The following NDUFAF2 variants were observed in gnomAD, a reference collection of about 807,000 sequenced individuals.
NDUFAF2 encodes the protein NADH:ubiquinone oxidoreductase complex assembly factor 2.
Under a neutral mutation model 22.8 loss-of-function variants are expected in NDUFAF2, and 13 were observed. The observed-to-expected ratio is 0.57, with a 90% confidence interval of 0.37 to 0.91. The LOEUF (loss-of-function observed/expected upper bound fraction) is 0.91, where lower values mean the gene tolerates loss of function less well. NDUFAF2 is among the 40% of genes least tolerant of loss of function. The pLI is 0.01. For synonymous variants in NDUFAF2, 53 were observed against 64.2 expected (o/e 0.83, Z 0.84); for missense variants, 162 against 195.2 (o/e 0.83, Z 1.01).
intron 1 of NDUFAF2, among the ~76,000 whole-genome samples, chr5:61,025,469 A>G (rs888832061): frequency 1.3e-5 from 2 of 152,104 alleles, no homozygotes; most frequent in African/African-American, 4.8e-5. Flanking sequence ...TAAACATATA[A>G]CATTTTTGCT....
intron 1 of NDUFAF2, among the ~76,000 whole-genome samples, chr5:60,965,129 A>C (rs557215737): frequency 1.3e-5 from 2 of 152,186 alleles, no homozygotes; most frequent in African/African-American, 4.8e-5. Context: ...TCTAGGAACC[A>C]CTAACATGAC....
intron 1 of NDUFAF2, among the ~76,000 whole-genome samples, chr5:60,998,720 T>G (rs1033115794): frequency 6.6e-6 from 1 of 152,056 alleles, no homozygotes; most frequent in Non-Finnish European, 1.5e-5. Flanking sequence ...TCCAACAGTA[T>G]TCCACAAAGT....
At chr5:61,073,951 G>A (rs1432524913) in intron 2 of NDUFAF2, among the ~76,000 whole-genome samples, 1 of 152,226 alleles carries the variant, frequency 6.6e-6, no homozygotes, top group African/African-American at 2.4e-5. Context: ...AGTTCACAAT[G>A]AGAAGTACAT....
intron 1 of NDUFAF2, among the ~76,000 whole-genome samples, chr5:61,067,128 A>C (rs1351793386): frequency 1.3e-5 from 2 of 152,038 alleles, no homozygotes; most frequent in African/African-American, 4.8e-5. Flanking sequence ...GAGATGATGT[A>C]TATTTTAATT....
intron 3 of NDUFAF2, among the ~76,000 whole-genome samples, chr5:61,103,245 T>TCTCTACCCTA (rs1432121213): frequency 1.6e-4 from 15 of 92,316 alleles, no homozygotes; most frequent in Non-Finnish European, 3.7e-4. Context: ...ACCCTACTCT[T>TCTCTACCCTA]CTGTACCCTA....
chr5:60,986,847 G>T lies in NDUFAF2; in HGVS notation c.127+41465G>T, dbSNP rs187202392. ...TTCAGGAGGCTGAGGCAGGAGAATCGCCTGATTCCAGGAGGTGGAGGTTGC... is the reference window on the plus strand; with the variant it reads ...TTCAGGAGGCTGAGGCAGGAGAATCTCCTGATTCCAGGAGGTGGAGGTTGC... On this transcript the variant is annotated intron_variant, in intron 1 of 3. Transcript: ENST00000296597. 7.2e-3 allele frequency among the ~76,000 whole-genome samples: 1,084 copies of T among 151,188 alleles called. 8 individuals carry two copies. Among genetic ancestry groups the T allele is most frequent in the South Asian group, 0.027 (127 of 4,784 alleles).
chr5:61,065,643 ATTCT>A (rs983217661), intron 1 of NDUFAF2, among the ~76,000 whole-genome samples: 31 of 152,254 alleles, frequency 2.0e-4, no homozygotes, highest in South Asian at 6.2e-4. Context: ...AAAGTGTGAT[ATTCT>A]TTCTTGTTAA....
chr5:61,136,040 TATCTAG>T (rs1278148936), intron 3 of NDUFAF2, among the ~76,000 whole-genome samples: 137 of 112,654 alleles, frequency 1.2e-3, no homozygotes, highest in Non-Finnish European at 2.2e-3. Context: ...TATATATATA[TATCTAG>T]GGTGGATTGC....
chr5:61,080,452 C>T (rs1380838760), intron 2 of NDUFAF2, among the ~76,000 whole-genome samples: 1 of 152,068 alleles, frequency 6.6e-6, no homozygotes, highest in Non-Finnish European at 1.5e-5. Context: ...TGTGGCTTTA[C>T]CATTTTGTAT....
intron 1 of NDUFAF2, among the ~76,000 whole-genome samples, chr5:61,065,843 A>C (rs1752220015): frequency 6.6e-6 from 1 of 152,098 alleles, no homozygotes; most frequent in African/African-American, 2.4e-5. Flanking sequence ...AGTACTAGCA[A>C]GATCAATCAG....
At chr5:60,955,800 T>C (rs1404518095) in intron 1 of NDUFAF2, among the ~76,000 whole-genome samples, 6 of 152,158 alleles carry the variant, frequency 3.9e-5, no homozygotes, top group African/African-American at 4.8e-5. Context: ...CTTCCTTAGT[T>C]TGTTGCTAAA....
At chr5:61,006,246 G>A (rs1184326756) in intron 1 of NDUFAF2, among the ~76,000 whole-genome samples, 4 of 152,060 alleles carry the variant, frequency 2.6e-5, no homozygotes, top group African/African-American at 7.2e-5. Flanking sequence ...AAGATCAGAT[G>A]GTTGTAGATG....
At chr5:61,021,918 C>G (rs1183207134) in intron 1 of NDUFAF2, among the ~76,000 whole-genome samples, 1 of 152,144 alleles carries the variant, frequency 6.6e-6, no homozygotes, top group Non-Finnish European at 1.5e-5. Context: ...GCAAGATAGG[C>G]TGGTGGGCAA....
chr5:60,996,581 G>A (rs1387642117), intron 1 of NDUFAF2, among the ~76,000 whole-genome samples: 1 of 152,110 alleles, frequency 6.6e-6, no homozygotes, highest in East Asian at 1.9e-4. Flanking sequence ...CACTGTCGCT[G>A]AGCCTAGTTC....
chr5:61,127,260 G>C (rs371584089), intron 3 of NDUFAF2, among the ~76,000 whole-genome samples: 2 of 152,222 alleles, frequency 1.3e-5, no homozygotes, highest in Admixed American at 6.5e-5. Context: ...AATAGAAAAA[G>C]AAGGAATCCT....
At chr5:61,150,359 C>A (rs141074927) in intron 3 of NDUFAF2, among the ~76,000 whole-genome samples, 1 of 152,160 alleles carries the variant, frequency 6.6e-6, no homozygotes, top group Non-Finnish European at 1.5e-5. Context: ...AAAGGAAATT[C>A]TTTTTTAGGA....
At chr5:61,149,333 A>G (rs1200692420) in intron 3 of NDUFAF2, among the ~76,000 whole-genome samples, 1 of 152,170 alleles carries the variant, frequency 6.6e-6, no homozygotes, top group Non-Finnish European at 1.5e-5. Context: ...AGGAAACATA[A>G]TACTGTTATG....
At chr5:61,065,689 G>A (rs1580119384) in intron 1 of NDUFAF2, among the ~76,000 whole-genome samples, 2 of 152,196 alleles carry the variant, frequency 1.3e-5, no homozygotes, top group Admixed American at 1.3e-4. Context: ...TAGAAGGGAA[G>A]TTTCTCAGTG....
At chr5:61,086,459 T>C (rs1428573767) in intron 2 of NDUFAF2, among the ~76,000 whole-genome samples, 5 of 152,168 alleles carry the variant, frequency 3.3e-5, no homozygotes, top group Non-Finnish European at 7.4e-5. Context: ...ATTATACAAT[T>C]AATGGAACCA....
Sources: gnomAD v4.1 joint callset for allele counts (sites outside exome capture counted in the v4.1 genomes callset) on GRCh38, gnomAD v4.1.1 for gene constraint, MANE v1.5 for transcripts, NCBI Gene and HGNC (gene_info 2026-07-23, HGNC 2026-07-21) for gene names.